Variants in FRY observed in about 807,000 individuals in gnomAD.
FRY encodes protein furry homolog.
In FRY, 128 loss-of-function variants were observed where a neutral mutation model predicts 348.4. The observed-to-expected ratio is 0.37, with a 90% CI of 0.32 to 0.43. FRY has a LOEUF of 0.43. Among genes scored for constraint, FRY ranks in the 20% least tolerant of loss-of-function variants. The pLI is 1.00. For synonymous variants in FRY, 1,370 were observed against 1,374.7 expected, an observed-to-expected ratio of 1.00 and a Z score of 0.08; for missense variants, 2,736 against 3,695.2, an observed-to-expected ratio of 0.74 and a Z score of 6.73.
At chr13:32,170,955 C>G in intron 17 of FRY, 57 bp from the exon 18 acceptor site, 1 of 1,228,026 alleles carries the variant, frequency 8.1e-7, no homozygotes, top group East Asian at 2.3e-5. Flanking sequence ...TCCTTGTTAG[C>G]TCTAGAAGAC....
Position 32,254,354 on chromosome 13 carries a change from G to T in FRY, c.7376G>T (p.Arg2459Ile), listed in dbSNP as rs1347079508. 6.2e-7 allele frequency: 1 copy of T among 1,614,142 alleles called. No homozygotes were observed. Among genetic ancestry groups the T allele is most frequent in the Admixed American group, 1.7e-5 (1 of 60,012 alleles). The change falls in exon 51 of 61, where the codon AGA becomes ATA. Residue 2459 changes from arginine to isoleucine, a missense_variant. This residue lies in a region of FRY where 789 missense variants were observed against 996.2 expected (regional missense o/e 0.79). Coordinates refer to ENST00000542859, the MANE Select transcript of FRY (RefSeq NM_023037.3). Reference protein sequence around the residue: ...TNSEQQFRVFRDFDFLDVELE... With the variant: ...TNSEQQFRVFIDFDFLDVELE... ...AGCGAGCAGCAGTTTAGAGTCTTCAGAGACTTCGACTTCCTAGATGTGGAG... is the reference window on the plus strand; with the variant it reads ...AGCGAGCAGCAGTTTAGAGTCTTCATAGACTTCGACTTCCTAGATGTGGAG...
At chr13:32,082,500 CTT>C (rs1290388395) in intron 2 of FRY, among the ~76,000 whole-genome samples, 1 of 152,182 alleles carries the variant, frequency 6.6e-6, no homozygotes, top group Non-Finnish European at 1.5e-5. Flanking sequence ...ATCTGTGTCT[CTT>C]TTATATTTTT....
chr13:32,165,965 CA>C (rs1432807808), intron 17 of FRY, among the ~76,000 whole-genome samples: 1 of 152,200 alleles, frequency 6.6e-6, no homozygotes, highest in Non-Finnish European at 1.5e-5. Flanking sequence ...ACTTGTTCTC[CA>C]TCACCGCAGA....
Position 32,049,920 on chromosome 13 carries a change from AGT to A in FRY, c.70+18058_70+18059del, listed in dbSNP as rs1341318826. The stretch of plus-strand genomic sequence containing the variant: ...AGGCAGAAGCAATTATTTGATGAAC[AGT>A]GTTTTAAAATTATACTCAGCTAGAC... On this transcript the variant is annotated intron_variant, in intron 1 of 60. Transcript: ENST00000542859. 2.6e-5 allele frequency among the ~76,000 whole-genome samples: 4 copies of A among 152,348 alleles called. No homozygotes were observed. The East Asian group carries it at 7.7e-4, about 29-fold the overall frequency.
intron 56 of FRY, among the ~76,000 whole-genome samples, chr13:32,275,451 C>G (rs141243438): frequency 1.6e-4 from 25 of 152,272 alleles, no homozygotes; most frequent in Non-Finnish European, 3.1e-4. Context: ...ATATGACTCT[C>G]AAAGGTCTGC....
intron 38 of FRY, 111 bp from the exon 39 acceptor site, chr13:32,225,678 C>T (rs1308203479): frequency 1.1e-6 from 1 of 912,732 alleles, no homozygotes; most frequent in Non-Finnish European, 1.8e-6. Context: ...ACAAAGAAAA[C>T]TAAACATTCT....
intron 1 of FRY, among the ~76,000 whole-genome samples, chr13:32,069,066 G>A (rs536304268): frequency 2.0e-5 from 3 of 151,998 alleles, no homozygotes; most frequent in South Asian, 2.1e-4. Flanking sequence ...AGAAGCACCC[G>A]CCACCACACC....
At chr13:32,183,280 A>C (rs140621552) in intron 24 of FRY, among the ~76,000 whole-genome samples, 84 of 152,364 alleles carry the variant, frequency 5.5e-4, no homozygotes, top group African/African-American at 2.0e-3. Flanking sequence ...ATGTTTGTCA[A>C]CTATTACATT....
At chr13:32,169,776 T>G (rs1311463426) in intron 17 of FRY, among the ~76,000 whole-genome samples, 1 of 152,126 alleles carries the variant, frequency 6.6e-6, no homozygotes, top group Admixed American at 6.5e-5. Flanking sequence ...AGGGTCTCTC[T>G]TAAAAGCCTT....
At chr13:32,163,754 C>T (rs1380823198) in intron 17 of FRY, among the ~76,000 whole-genome samples, 1 of 152,194 alleles carries the variant, frequency 6.6e-6, no homozygotes, top group East Asian at 1.9e-4. Context: ...ACCCCCAGAC[C>T]ATGGTGCCAG....
chr13:32,065,148 T>C (rs1874175341), intron 1 of FRY, among the ~76,000 whole-genome samples: 1 of 152,222 alleles, frequency 6.6e-6, no homozygotes, highest in East Asian at 1.9e-4. Flanking sequence ...TTTTTATAAA[T>C]GAGTCTTATC....
intron 11 of FRY, among the ~76,000 whole-genome samples, chr13:32,147,006 T>C (rs1288727944): frequency 1.3e-5 from 2 of 152,170 alleles, no homozygotes; most frequent in African/African-American, 4.8e-5. Context: ...AGGGAGAAGA[T>C]AACCTCTTGA....
At chr13:32,105,015 C>T (rs964545616) in intron 3 of FRY, among the ~76,000 whole-genome samples, 1 of 152,142 alleles carries the variant, frequency 6.6e-6, no homozygotes, top group Non-Finnish European at 1.5e-5. Flanking sequence ...TGAGAACAGA[C>T]TAATATAAAG....
intron 1 of FRY, among the ~76,000 whole-genome samples, chr13:32,057,729 G>A (rs1365888828): frequency 6.6e-6 from 1 of 152,170 alleles, no homozygotes; most frequent in African/African-American, 2.4e-5. Context: ...GGAGGCTGAG[G>A]CAGGCAGATC....
chr13:32,118,968 C>T (rs899659578), intron 4 of FRY, among the ~76,000 whole-genome samples: 2 of 152,014 alleles, frequency 1.3e-5, no homozygotes, highest in Non-Finnish European at 2.9e-5. Context: ...TTTTGTTCCT[C>T]TGTTTTGTCA....
intron 2 of FRY, among the ~76,000 whole-genome samples, chr13:32,097,047 A>G (rs1382879226): frequency 6.6e-6 from 1 of 152,156 alleles, no homozygotes; most frequent in East Asian, 1.9e-4. Context: ...TACCATGTTT[A>G]TCAGCTTCCC....
Position 32,228,550 on chromosome 13 carries a change from C to T in FRY, c.5301C>T (p.Gly1767=), listed in dbSNP as rs1243863844. The change falls in exon 40 of 61, where the codon GGC becomes GGT. Residue 1767 remains glycine (G), a synonymous_variant. Coordinates refer to ENST00000542859, the MANE Select transcript of FRY (RefSeq NM_023037.3). Reference sequence around the variant, plus strand: ...CCTCCTCTAGCATCAGTCTGGGAGGCAGCAGTGGAAACCTCCCACAGATGA... The same window carrying T: ...CCTCCTCTAGCATCAGTCTGGGAGGTAGCAGTGGAAACCTCCCACAGATGA... ...SSTSSSISLG[G]SSGNLPQMTQ... 6.2e-7 allele frequency: 1 copy of T among 1,613,586 alleles called. No individual in the cohort carries two copies.
rs755221385 is a variant in FRY, at chr13:32,209,069, C to T, written c.4235C>T (p.Thr1412Met). The T allele has an allele frequency of 8.1e-6, 13 of 1,614,084 alleles. No homozygotes were observed. Among genetic ancestry groups the T allele is most frequent in the East Asian group, 2.2e-5 (1 of 44,882 alleles). Residue 1412 changes from threonine (T) to methionine (M), a missense_variant, in exon 32 of 61, where the codon ACG becomes ATG. Physicochemically the swap from Thr to Met is moderately conservative, Grantham distance 81. Transcript: ENST00000542859. Reference sequence around the variant, plus strand: ...AATGGCTGGGGCTCTCCAGAAGCCACGTCACTGGTCCTGAACAACCTCATG... The same window carrying T: ...AATGGCTGGGGCTCTCCAGAAGCCATGTCACTGGTCCTGAACAACCTCATG... ...RGNGWGSPEA[T>M]SLVLNNLMYM...
chr13:32,299,109 A>G lies in FRY; in HGVS notation c.*3649A>G, dbSNP rs1226663731. ...TTATATATGTTTTACCACAATAAAA[A>G]TAATTTTTTTAAAGGATCATTCTGG... On this transcript the variant is annotated 3_prime_UTR_variant, in exon 61 of 61. Coordinates refer to ENST00000542859, the MANE Select transcript of FRY (RefSeq NM_023037.3). 1.3e-5 allele frequency: 2 copies of G among 152,234 alleles called. No individual in the cohort carries two copies. Among genetic ancestry groups the G allele is most frequent in the South Asian group, 2.1e-4 (1 of 4,836 alleles). 9.4% of individuals were successfully genotyped at this position (152,234 alleles called of 1,614,324 possible). A position where few individuals can be genotyped will look rare whatever the true frequency, so the allele number is the denominator to read the frequency against.
Sources: allele counts gnomAD v4.1 joint callset (sites outside exome capture counted in the v4.1 genomes callset), GRCh38; gene constraint gnomAD v4.1.1; regional missense constraint gnomAD v4.1.1; transcripts MANE v1.5; gene names NCBI Gene and HGNC (gene_info 2026-07-23, HGNC 2026-07-21).